The following ZNF254 variants were observed in gnomAD, a reference collection of about 807,000 sequenced individuals.
ZNF254 encodes the protein CTD-2017D11.1.
A neutral mutation model predicts 12.4 loss-of-function variants in ZNF254; 10 were observed. The observed-to-expected ratio is 0.80, with a 90% CI of 0.50 to 1.36. The LOEUF (loss-of-function observed/expected upper bound fraction) is 1.36, where lower values mean the gene tolerates loss of function less well. ZNF254 is among the 40% of genes most tolerant of loss of function. The probability of loss-of-function intolerance (pLI) is 0.00; values close to 1 mark genes in which losing one functional copy is unlikely to be tolerated. For missense variants in ZNF254, 996 were observed against 763.9 expected (o/e 1.30, Z -3.58); for synonymous variants, 305 against 253.4 (o/e 1.20, Z -1.93).
At chr19:24,097,192 G>A (rs1339306940) in intron 1 of ZNF254, among the ~76,000 whole-genome samples, 1 of 151,916 alleles carries the variant, frequency 6.6e-6, no homozygotes, top group East Asian at 1.9e-4. Flanking sequence ...TTTTGCTTTG[G>A]CAAGAGATTA....
chr19:24,051,201 C>T (rs960773016), intron 2 of ZNF254, among the ~76,000 whole-genome samples: 7 of 151,904 alleles, frequency 4.6e-5, no homozygotes, highest in South Asian at 4.2e-4. Context: ...TTTGTTGCCC[C>T]GGCTGGAGTG....
intron 2 of ZNF254, among the ~76,000 whole-genome samples, chr19:24,061,748 A>G (rs1223212732): frequency 1.3e-5 from 2 of 152,182 alleles, no homozygotes; most frequent in Non-Finnish European, 2.9e-5. Flanking sequence ...CTACCAGCCA[A>G]TAGAAGAGAC....
intron 1 of ZNF254, among the ~76,000 whole-genome samples, chr19:24,039,231 C>T (rs1179572508): frequency 6.6e-6 from 1 of 152,150 alleles, no homozygotes; most frequent in East Asian, 1.9e-4. Context: ...GGATCTTGTC[C>T]AGTGAAATTT....
intron 1 of ZNF254, among the ~76,000 whole-genome samples, chr19:24,090,511 A>G (rs1972308319): frequency 6.6e-6 from 1 of 152,156 alleles, no homozygotes; most frequent in Non-Finnish European, 1.5e-5. Flanking sequence ...ATCTCGGTCC[A>G]CTGCAACCTC....
chr19:24,115,792 G>T (rs1974020444), intron 3 of ZNF254, among the ~76,000 whole-genome samples: 1 of 152,120 alleles, frequency 6.6e-6, no homozygotes, highest in Non-Finnish European at 1.5e-5. Flanking sequence ...TTCTAGCCTC[G>T]ACGGTTTCTA....
At chr19:24,086,759 G>A (rs1173168879), upstream of ZNF254, among the ~76,000 whole-genome samples, 1 of 152,202 alleles carries the variant, frequency 6.6e-6, no homozygotes, top group Admixed American at 6.5e-5. Context: ...TTACAGGCGT[G>A]AGCCACCGCG....
intron 2 of ZNF254, among the ~76,000 whole-genome samples, chr19:24,058,323 C>T (rs1432672571): frequency 6.6e-6 from 1 of 152,114 alleles, no homozygotes; most frequent in Non-Finnish European, 1.5e-5. Flanking sequence ...CATTTCCTTG[C>T]CTCTGTGCTT....
chr19:24,089,170 TTCTC>T, intron 1 of ZNF254, among the ~76,000 whole-genome samples: 1 of 152,114 alleles, frequency 6.6e-6, no homozygotes, highest in South Asian at 2.1e-4. Context: ...AAGACAGGGT[TTCTC>T]CATGTTGGTC....
At chr19:24,099,553 G>T (rs1383386601) in intron 1 of ZNF254, among the ~76,000 whole-genome samples, 2 of 152,186 alleles carry the variant, frequency 1.3e-5, no homozygotes. Flanking sequence ...AGTCACTTTT[G>T]TAGAAGAGTG....
intron 2 of ZNF254, among the ~76,000 whole-genome samples, chr19:24,056,884 A>C (rs888314): frequency 0.15 from 22,593 of 152,146 alleles, 1,938 homozygotes; most frequent in Middle Eastern, 0.23. Context: ...TCTCTCAGAG[A>C]AGTTTGTGAC....
In ZNF254 at chr19:24,129,696, T is replaced by C. The variant is rs1000044442; in HGVS notation, c.*1716T>C. On this transcript the variant is annotated 3_prime_UTR_variant, in exon 4 of 4. Coordinates refer to ENST00000357002, the MANE Select transcript of ZNF254 (RefSeq NM_203282.4). ...CCATTACCTCTAGCATTTATTCTTTTTATTACAAGCAATTCAATTGTACAC... is the reference window on the plus strand; with the variant it reads ...CCATTACCTCTAGCATTTATTCTTTCTATTACAAGCAATTCAATTGTACAC... 64 of 152,038 alleles carry C rather than the reference T, an allele frequency of 4.2e-4. No homozygotes were observed. The highest frequency in any genetic ancestry group is 1.5e-3 in the African/African-American group (63 of 41,440). 9.4% of individuals were successfully genotyped at this position (152,038 alleles called of 1,614,324 possible).
At chr19:24,101,357 A>AT (rs1435517115) in intron 1 of ZNF254, among the ~76,000 whole-genome samples, 1 of 152,154 alleles carries the variant, frequency 6.6e-6, no homozygotes, top group African/African-American at 2.4e-5. Context: ...AATAGGAGGC[A>AT]TTTTCTGCAT....
intron 2 of ZNF254, among the ~76,000 whole-genome samples, chr19:24,049,216 T>TATATATATATA (rs1568426573): frequency 1.1e-4 from 4 of 37,748 alleles, no homozygotes; most frequent in East Asian, 1.3e-3. Flanking sequence ...ATATATATAT[T>TATATATATATA]TTTTTTTTTT....
intron 1 of ZNF254, among the ~76,000 whole-genome samples, chr19:24,101,527 G>A (rs765525020): frequency 6.6e-6 from 1 of 152,196 alleles, no homozygotes; most frequent in Admixed American, 6.5e-5. Context: ...AGCATCTTAG[G>A]AGTGAGAGAT....
chr19:24,127,553 A>C lies in ZNF254; in HGVS notation c.1553A>C (p.Tyr518Ser). Residue 518 changes from tyrosine (Y) to serine (S), a missense_variant, in exon 4 of 4, where the codon TAC (tyrosine) becomes TCC (serine). Tyr to Ser is a moderately radical substitution (Grantham distance 144). Coordinates refer to ENST00000357002, the MANE Select transcript of ZNF254 (RefSeq NM_203282.4). ...ATAATTCATACTGGAGAGAAACCCT[A>C]CAAATGTGAAGAATGTGGCAAAGCC... is the stretch of plus-strand genomic sequence containing the variant. ...HKIIHTGEKP[Y>S]KCEECGKAFN... 6.2e-7 allele frequency: 1 copy of C among 1,613,634 alleles called. No homozygotes were observed. Among genetic ancestry groups the C allele is most frequent in the Non-Finnish European group, 8.5e-7 (1 of 1,179,854 alleles).
At chr19:24,106,171 A>G in intron 2 of ZNF254, 105 bp downstream of exon 2, 2 of 1,380,442 alleles carry the variant, frequency 1.4e-6, no homozygotes, top group Non-Finnish European at 1.9e-6. Context: ...TTTTCAAGAA[A>G]ATACTGGGGA....
intron 1 of ZNF254, among the ~76,000 whole-genome samples, chr19:24,041,623 C>T (rs1373124415): frequency 6.6e-6 from 1 of 152,234 alleles, no homozygotes; most frequent in Non-Finnish European, 1.5e-5. Flanking sequence ...CTGTGCGGCC[C>T]GAGCCTCCCC....
upstream of ZNF254, among the ~76,000 whole-genome samples, chr19:24,085,559 C>T (rs137914157): frequency 4.2e-3 from 631 of 151,374 alleles, 2 homozygotes; most frequent in Middle Eastern, 0.01. Flanking sequence ...TCATTTCGAG[C>T]TTAGGAGTTT....
At chr19:24,126,144 A>G (rs956790640) in intron 3 of ZNF254, 110 bp from the exon 4 acceptor site, 2 of 680,692 alleles carry the variant, frequency 2.9e-6, no homozygotes, top group Non-Finnish European at 4.3e-6. Flanking sequence ...GGTATTTTGC[A>G]ATGCTATCTT....
Sources: allele counts gnomAD v4.1 joint callset (sites outside exome capture counted in the v4.1 genomes callset), GRCh38; gene constraint gnomAD v4.1.1; transcripts MANE v1.5; gene names NCBI Gene and HGNC (gene_info 2026-07-23, HGNC 2026-07-21).